The following GPC5 variants were observed in gnomAD, a reference collection of about 807,000 sequenced individuals.
GPC5 encodes glypican-5.
A neutral mutation model predicts 53.9 loss-of-function variants in GPC5; 47 were observed. That is an observed-to-expected ratio of 0.87 (90% confidence interval 0.69 to 1.11). The LOEUF (loss-of-function observed/expected upper bound fraction) is 1.11, where lower values mean the gene tolerates loss of function less well. Among genes scored for constraint, GPC5 ranks in the 50% most tolerant of loss-of-function variants. GPC5 has a pLI of 0.00. For missense variants in GPC5, 748 were observed against 713.1 expected (o/e 1.05, Z -0.56); for synonymous variants, 286 against 263.3 (o/e 1.09, Z -0.84).
intron 3 of GPC5, among the ~76,000 whole-genome samples, chr13:91,721,775 C>A (rs1163302998): frequency 2.0e-5 from 3 of 152,140 alleles, no homozygotes; most frequent in Non-Finnish European, 4.4e-5. Flanking sequence ...TAACATTATT[C>A]AGAACATAAC....
At chr13:92,605,683 G>A (rs1170084131) in intron 7 of GPC5, among the ~76,000 whole-genome samples, 4 of 150,180 alleles carry the variant, frequency 2.7e-5, no homozygotes, top group African/African-American at 1.0e-4. Flanking sequence ...TCCGCTTCCC[G>A]GGTTCACGCC....
At chr13:91,822,821 C>T (rs1430492074) in intron 5 of GPC5, among the ~76,000 whole-genome samples, 1 of 152,114 alleles carries the variant, frequency 6.6e-6, no homozygotes, top group Non-Finnish European at 1.5e-5. Flanking sequence ...TATGTTCCTG[C>T]ACTCTATCAA....
chr13:92,090,859 C>CA (rs929531512), intron 6 of GPC5, among the ~76,000 whole-genome samples: 2 of 152,050 alleles, frequency 1.3e-5, no homozygotes, highest in South Asian at 2.1e-4. Context: ...TCAAAATATC[C>CA]AAAAAATTTT....
At chr13:92,772,611 C>T (rs943267410) in intron 7 of GPC5, among the ~76,000 whole-genome samples, 2 of 152,122 alleles carry the variant, frequency 1.3e-5, no homozygotes, top group East Asian at 3.9e-4. Context: ...TTGTTCATAG[C>T]CTTTACCACT....
chr13:91,629,713 T>C (rs1175241172), intron 2 of GPC5, among the ~76,000 whole-genome samples: 4 of 152,120 alleles, frequency 2.6e-5, no homozygotes, highest in Non-Finnish European at 4.4e-5. Flanking sequence ...TAAGAGGACA[T>C]TCCTACAAAG....
chr13:92,157,549 G>A (rs1352346136), intron 7 of GPC5, among the ~76,000 whole-genome samples: 1 of 152,146 alleles, frequency 6.6e-6, no homozygotes, highest in Non-Finnish European at 1.5e-5. Flanking sequence ...CAAGAAACTG[G>A]AAGATTTAAA....
At chr13:92,589,806 T>G (rs1883659199) in intron 7 of GPC5, among the ~76,000 whole-genome samples, 1 of 152,224 alleles carries the variant, frequency 6.6e-6, no homozygotes, top group Non-Finnish European at 1.5e-5. Context: ...AAATATGACA[T>G]TCATCATTGT....
At chr13:91,919,855 G>C (rs879806524) in intron 6 of GPC5, among the ~76,000 whole-genome samples, 1 of 152,108 alleles carries the variant, frequency 6.6e-6, no homozygotes, top group Non-Finnish European at 1.5e-5. Context: ...GCCTATTTTC[G>C]GAATGCTGGC....
chr13:92,379,360 T>A (rs1404773103), intron 7 of GPC5, among the ~76,000 whole-genome samples: 1 of 152,218 alleles, frequency 6.6e-6, no homozygotes, highest in Non-Finnish European at 1.5e-5. Context: ...TGCACTTTTT[T>A]ATTTTTCTTA....
intron 2 of GPC5, among the ~76,000 whole-genome samples, chr13:91,674,259 A>G (rs2035316144): frequency 6.6e-6 from 1 of 152,086 alleles, no homozygotes; most frequent in Non-Finnish European, 1.5e-5. Context: ...TGAGATTAGC[A>G]TTTGAATCAG....
intron 7 of GPC5, among the ~76,000 whole-genome samples, chr13:92,434,958 A>G (rs1877243053): frequency 6.6e-6 from 1 of 152,218 alleles, no homozygotes; most frequent in African/African-American, 2.4e-5. Context: ...TCTGTCACCC[A>G]GGCTGGAGGG....
At position 91,943,868 on chromosome 13, in the gene GPC5, C is replaced by CT. The variant is rs567534441; in HGVS notation, c.1401+35821dup. On this transcript the variant is annotated intron_variant, in intron 6 of 7. Transcript: ENST00000377067. Reference sequence around the variant, plus strand: ...CTTACAAATTACAAGTTTGAAATGACTTTTTTTTTTAAGAAAAAAAAGATG... The same window carrying CT: ...CTTACAAATTACAAGTTTGAAATGACTTTTTTTTTTTAAGAAAAAAAAGATG... Among the ~76,000 whole-genome samples, 830 of 147,590 alleles carry CT rather than the reference C, an allele frequency of 5.6e-3. 3 individuals are homozygous for CT. Among genetic ancestry groups the CT allele is most frequent in the South Asian group, 9.5e-3 (44 of 4,644 alleles).
intron 6 of GPC5, among the ~76,000 whole-genome samples, chr13:91,998,460 G>T (rs991452442): frequency 6.6e-6 from 1 of 152,060 alleles, no homozygotes; most frequent in Non-Finnish European, 1.5e-5. Context: ...AAGAGAATCT[G>T]CAATTCATAA....
At chr13:91,702,374 G>A (rs1470571755) in intron 3 of GPC5, among the ~76,000 whole-genome samples, 1 of 152,014 alleles carries the variant, frequency 6.6e-6, no homozygotes, top group African/African-American at 2.4e-5. Flanking sequence ...TAAGACTAAT[G>A]TCAAGAACAT....
intron 7 of GPC5, among the ~76,000 whole-genome samples, chr13:92,830,347 T>A (rs1463546588): frequency 6.6e-6 from 1 of 152,134 alleles, no homozygotes; most frequent in African/African-American, 2.4e-5. Flanking sequence ...TACAATATGC[T>A]TTTACATTTC....
chr13:91,609,654 G>C lies in GPC5; in HGVS notation c.326-83533G>C, dbSNP rs1337854579. Among the ~76,000 whole-genome samples the C allele has an allele frequency of 5.3e-5, 8 of 152,284 alleles. No individual in the cohort carries two copies. In the East Asian group the frequency reaches 1.5e-3, roughly 29 times the overall value. On this transcript the variant is annotated intron_variant, in intron 2 of 7. Coordinates refer to ENST00000377067, the MANE Select transcript of GPC5 (RefSeq NM_004466.6). ...GTGAGGATAAACAGATCTGTGGCAA[G>C]GCCATCCCCCAAGGCTCAGGAAAGC... is the stretch of plus-strand genomic sequence containing the variant.
intron 5 of GPC5, among the ~76,000 whole-genome samples, chr13:91,804,599 G>A (rs2038190847): frequency 6.6e-6 from 1 of 152,176 alleles, no homozygotes; most frequent in South Asian, 2.1e-4. Context: ...CAGAGAGAGG[G>A]AGAGAGAGAT....
chr13:92,500,220 A>G (rs1880131807), intron 7 of GPC5, among the ~76,000 whole-genome samples: 2 of 152,146 alleles, frequency 1.3e-5, no homozygotes, highest in African/African-American at 4.8e-5. Flanking sequence ...TGACCCAACA[A>G]CAGATGAATA....
intron 7 of GPC5, chr13:92,709,407 C>T (rs1265425106): frequency 2.0e-5 from 3 of 152,098 alleles, no homozygotes; most frequent in Non-Finnish European, 4.4e-5. Context: ...TGTCCACACA[C>T]AACTCAGTAT....
Sources: gnomAD v4.1 joint callset for allele counts (sites outside exome capture counted in the v4.1 genomes callset) on GRCh38, gnomAD v4.1.1 for gene constraint, MANE v1.5 for transcripts, NCBI Gene and HGNC (gene_info 2026-07-23, HGNC 2026-07-21) for gene names.